The following PSEN1 variants were observed in gnomAD, a reference collection of about 807,000 sequenced individuals.
PSEN1 encodes presenilin-1.
Under a neutral mutation model 53.5 loss-of-function variants are expected in PSEN1, and 15 were observed. That is an observed-to-expected ratio of 0.28 (90% CI 0.19 to 0.43). The LOEUF is 0.43. Among genes scored for constraint, PSEN1 ranks in the 20% least tolerant of loss-of-function variants. The pLI is 1.00. For synonymous variants in PSEN1, 208 were observed against 209.8 expected, an observed-to-expected ratio of 0.99 and a Z score of 0.08; for missense variants, 387 against 571.2, an observed-to-expected ratio of 0.68 and a Z score of 3.29.
chr14:73,204,459 T>C (rs1346260515), intron 8 of PSEN1, among the ~76,000 whole-genome samples: 1 of 151,872 alleles, frequency 6.6e-6, no homozygotes, highest in Non-Finnish European at 1.5e-5. Context: ...AGCAAACTAC[T>C]GCTTGAAGCC....
At chr14:73,143,237 C>T (rs1192137673) in intron 1 of PSEN1, among the ~76,000 whole-genome samples, 2 of 152,166 alleles carry the variant, frequency 1.3e-5, no homozygotes, top group Non-Finnish European at 2.9e-5. Flanking sequence ...GACTGAAGAC[C>T]TAGCCCTGTT....
At chr14:73,167,450 G>T (rs1897750455) in intron 3 of PSEN1, among the ~76,000 whole-genome samples, 1 of 152,076 alleles carries the variant, frequency 6.6e-6, no homozygotes, top group South Asian at 2.1e-4. Flanking sequence ...AACACTTCTG[G>T]TCCCAAACAT....
intron 1 of PSEN1, among the ~76,000 whole-genome samples, chr14:73,141,157 A>G (rs934406398): frequency 1.3e-5 from 2 of 152,222 alleles, no homozygotes; most frequent in Non-Finnish European, 2.9e-5. Flanking sequence ...GTAGACTGCA[A>G]CCACCATGCA....
At chr14:73,212,088 CTTTTTTTTTTTTTTTTTTTTTTTTT>C (rs398043836) in intron 10 of PSEN1, 146 bp downstream of exon 10, 92 of 70,558 alleles carry the variant, frequency 1.3e-3, no homozygotes, top group Admixed American at 6.3e-3. Flanking sequence ...AGTAATAGTG[CTTTTTTTTTTTTTTTTTTTTTTTTT>C]TTTTTTTTTT....
intron 3 of PSEN1, among the ~76,000 whole-genome samples, chr14:73,167,064 ATTG>A (rs748427941): frequency 9.9e-5 from 15 of 151,296 alleles, no homozygotes; most frequent in Non-Finnish European, 1.3e-4. Context: ...AATTCTTTTC[ATTG>A]TTGTTGTTGT....
intron 3 of PSEN1, among the ~76,000 whole-genome samples, chr14:73,169,713 T>C (rs1337234116): frequency 6.6e-6 from 1 of 152,004 alleles, no homozygotes; most frequent in Non-Finnish European, 1.5e-5. Flanking sequence ...TGGCACGATC[T>C]CTGCTCACTG....
chr14:73,174,020 T>A (rs534925418), intron 5 of PSEN1: 52 of 540,644 alleles, frequency 9.6e-5, no homozygotes, highest in Non-Finnish European at 1.7e-4. Context: ...TGGAAGTATT[T>A]TATATGCATG....
chr14:73,165,064 C>A (rs968813714), intron 3 of PSEN1, among the ~76,000 whole-genome samples: 2 of 151,986 alleles, frequency 1.3e-5, no homozygotes, highest in African/African-American at 4.8e-5. Context: ...TCAAACGATT[C>A]GCCTGCCTCA....
At chr14:73,194,447 G>A (rs1898853713) in intron 7 of PSEN1, among the ~76,000 whole-genome samples, 1 of 151,826 alleles carries the variant, frequency 6.6e-6, no homozygotes, top group Non-Finnish European at 1.5e-5. Context: ...TTTTTTCAGA[G>A]ATGAGATCTC....
At chr14:73,172,608 G>A (rs1897925353) in intron 4 of PSEN1, among the ~76,000 whole-genome samples, 1 of 152,230 alleles carries the variant, frequency 6.6e-6, no homozygotes, top group Admixed American at 6.5e-5. Context: ...CAGTAGCACA[G>A]TTGAGTGTTT....
chr14:73,154,868 A>G (rs68084031), intron 3 of PSEN1, among the ~76,000 whole-genome samples: 25,419 of 152,164 alleles, frequency 0.17, 2,818 homozygotes, highest in East Asian at 0.42. Flanking sequence ...CTTACCTATC[A>G]GTGAGTTAAA....
chr14:73,206,442 G>A lies in PSEN1; in HGVS notation c.925G>A (p.Val309Ile), dbSNP rs754432497. 1.9e-6 allele frequency: 3 copies of A among 1,613,992 alleles called. No individual in the cohort carries two copies. Among genetic ancestry groups the A allele is most frequent in the Non-Finnish European group, 2.5e-6 (3 of 1,179,880 alleles). ...AGGAGACCCGGAAGCTCAAAGGAGA[G>A]TATCCAAAAATTCCAAGTATAATGC... is the stretch of plus-strand genomic sequence containing the variant. ...AEGDPEAQRRVSKNSKYNAES... is the reference protein window; with the variant it reads ...AEGDPEAQRRISKNSKYNAES... The change falls in exon 9 of 12, where the codon GTA becomes ATA. Residue 309 changes from valine to isoleucine, a missense_variant. Around this residue, in one of 4 missense-constraint regions of PSEN1, gnomAD observed 169 missense variants for 299.7 expected, o/e 0.56. Coordinates refer to ENST00000324501, the MANE Select transcript of PSEN1 (RefSeq NM_000021.4).
chr14:73,192,783 A>T lies in PSEN1; in HGVS notation c.688A>T (p.Ser230Cys). 6.2e-7 allele frequency: 1 copy of T among 1,614,024 alleles called. No individual in the cohort carries two copies. Among genetic ancestry groups the T allele is most frequent in the Non-Finnish European group, 8.5e-7 (1 of 1,179,892 alleles). ...CCAGCAGGCATATCTCATTATGATTAGTGCCCTCATGGCCCTGGTGTTTAT... is the reference window on the plus strand; with the variant it reads ...CCAGCAGGCATATCTCATTATGATTTGTGCCCTCATGGCCCTGGTGTTTAT... ...RLQQAYLIMI[S>C]ALMALVFIKY... The change falls in exon 7 of 12, where the codon AGT (serine) becomes TGT (cysteine). Residue 230 changes from serine to cysteine, a missense_variant. This residue lies in a region of PSEN1 where 169 missense variants were observed against 299.7 expected (regional missense o/e 0.56). Transcript: ENST00000324501.
chr14:73,200,856 G>C (rs541821858), intron 8 of PSEN1, among the ~76,000 whole-genome samples: 2 of 152,104 alleles, frequency 1.3e-5, no homozygotes, highest in South Asian at 4.2e-4. Context: ...TTTGAAACCA[G>C]CCTGGCCAAC....
chr14:73,143,883 G>T (rs1027451215), intron 1 of PSEN1, among the ~76,000 whole-genome samples: 1 of 151,368 alleles, frequency 6.6e-6, no homozygotes, highest in African/African-American at 2.4e-5. Context: ...CACCTGCTTG[G>T]GAGGCTGAGG....
intron 7 of PSEN1, 145 bp downstream of exon 7, chr14:73,193,009 C>G: frequency 1.4e-6 from 1 of 738,612 alleles, no homozygotes; most frequent in Non-Finnish European, 2.3e-6. Flanking sequence ...GCTATAGTAA[C>G]TTTTTCATTT....
At chr14:73,203,278 G>C (rs1323247974) in intron 8 of PSEN1, among the ~76,000 whole-genome samples, 1 of 151,972 alleles carries the variant, frequency 6.6e-6, no homozygotes, top group Non-Finnish European at 1.5e-5. Flanking sequence ...AGTAGAGAGA[G>C]GGTTTCACCA....
At position 73,173,696 on chromosome 14, in the gene PSEN1, A is replaced by T; in HGVS notation, c.469A>T (p.Arg157Trp). 1 of 1,614,146 alleles carries T rather than the reference A, an allele frequency of 6.2e-7. No individual in the cohort carries two copies. Among genetic ancestry groups the T allele is most frequent in the Non-Finnish European group, 8.5e-7 (1 of 1,179,948 alleles). The change falls in exon 5 of 12, where the codon AGG becomes TGG. Residue 157 changes from arginine to tryptophan, a missense_variant. By Grantham distance (101) the Arg-to-Trp change is moderately radical. Coordinates refer to ENST00000324501, the MANE Select transcript of PSEN1 (RefSeq NM_000021.4). ...TILLVVLYKY[R>W]CYKVIHAWLI... Reference sequence around the variant, plus strand: ...CCTCCTGGTGGTTCTGTATAAATACAGGTGCTATAAGGTGAGCATGAGACA... The same window carrying T: ...CCTCCTGGTGGTTCTGTATAAATACTGGTGCTATAAGGTGAGCATGAGACA...
chr14:73,170,332 T>C (rs1030433042), intron 3 of PSEN1, among the ~76,000 whole-genome samples: 13 of 152,240 alleles, frequency 8.5e-5, no homozygotes. Context: ...GGCCTTATTT[T>C]ACCCAGCCCC....
Sources: allele counts gnomAD v4.1 joint callset (sites outside exome capture counted in the v4.1 genomes callset), GRCh38; gene constraint gnomAD v4.1.1; regional missense constraint gnomAD v4.1.1; transcripts MANE v1.5; gene names NCBI Gene and HGNC (gene_info 2026-07-23, HGNC 2026-07-21).